ADAMTS17: variants seen among roughly 807,000 people sequenced by gnomAD.
ADAMTS17 encodes ADAM metallopeptidase with thrombospondin type 1 motif 17.
In ADAMTS17, 113 loss-of-function variants were observed where a neutral mutation model predicts 141.5. The ratio of observed to expected loss-of-function variants is 0.80; its 90% CI spans 0.69 to 0.93. The LOEUF is 0.93. Among genes scored for constraint, ADAMTS17 ranks in the 40% least tolerant of loss-of-function variants. The pLI, the probability that ADAMTS17 is intolerant of heterozygous loss-of-function variation, is 0.00. For synonymous variants in ADAMTS17, 768 were observed against 630.6 expected (o/e 1.22, Z -3.27); for missense variants, 1,659 against 1,517.9 (o/e 1.09, Z -1.54).
At chr15:100,278,936 C>G (rs1217382687) in intron 4 of ADAMTS17, among the ~76,000 whole-genome samples, 2 of 152,146 alleles carry the variant, frequency 1.3e-5, no homozygotes, top group East Asian at 3.9e-4. Context: ...GGGAAACAAG[C>G]TGTGGGATCC....
chr15:100,195,431 C>A (rs2041074870), intron 8 of ADAMTS17, among the ~76,000 whole-genome samples: 1 of 152,144 alleles, frequency 6.6e-6, no homozygotes, highest in Admixed American at 6.5e-5. Context: ...AGGCCCCGGG[C>A]AAGAAGCTTT....
At chr15:100,314,873 A>T (rs2045512538) in intron 3 of ADAMTS17, among the ~76,000 whole-genome samples, 1 of 152,164 alleles carries the variant, frequency 6.6e-6, no homozygotes, top group African/African-American at 2.4e-5. Context: ...AGGCAGTGAG[A>T]AAAAGAGCAG....
intron 3 of ADAMTS17, among the ~76,000 whole-genome samples, chr15:100,290,718 T>A (rs2044600144): frequency 6.6e-6 from 1 of 152,172 alleles, no homozygotes; most frequent in Non-Finnish European, 1.5e-5. Context: ...TACAACTACC[T>A]GATCTCTGAA....
intron 3 of ADAMTS17, among the ~76,000 whole-genome samples, chr15:100,283,701 C>T (rs57286278): frequency 0.16 from 23,779 of 152,138 alleles, 3,027 homozygotes; most frequent in African/African-American, 0.36. Context: ...CCACAGGACA[C>T]ATTAGGAGCC....
chr15:100,277,064 T>C (rs1230319983), intron 4 of ADAMTS17, among the ~76,000 whole-genome samples: 3 of 152,116 alleles, frequency 2.0e-5, no homozygotes, highest in Non-Finnish European at 4.4e-5. Context: ...TCCATTCGCC[T>C]TCTGGCTTGG....
At chr15:100,092,200 ACT>A (rs1368758031) in intron 15 of ADAMTS17, among the ~76,000 whole-genome samples, 2 of 152,058 alleles carry the variant, frequency 1.3e-5, no homozygotes, top group African/African-American at 4.8e-5. Flanking sequence ...TTTCCATTTG[ACT>A]CTGTCTTTTA....
chr15:100,256,897 C>T (rs2043347169), intron 6 of ADAMTS17: 1 of 152,510 alleles, frequency 6.6e-6, no homozygotes, highest in Admixed American at 6.5e-5. Flanking sequence ...ACCCCAGGCC[C>T]AGTCCACTCA....
chr15:100,242,152 A>G (rs1486284805), intron 7 of ADAMTS17, among the ~76,000 whole-genome samples: 2 of 152,202 alleles, frequency 1.3e-5, no homozygotes, highest in African/African-American at 4.8e-5. Context: ...CTCAAATTGC[A>G]GTTCTGACTC....
chr15:99,994,508 A>T (rs996362724), intron 19 of ADAMTS17, among the ~76,000 whole-genome samples: 2 of 152,140 alleles, frequency 1.3e-5, no homozygotes, highest in South Asian at 2.1e-4. Flanking sequence ...ATAAAGGACA[A>T]ATGTTATTCC....
chr15:100,341,198 G>C lies in ADAMTS17; in HGVS notation c.291C>G (p.Arg97=), dbSNP rs1285104946. The C allele has an allele frequency of 6.8e-7, 1 of 1,462,568 alleles. No homozygotes were observed. Among genetic ancestry groups the C allele is most frequent in the East Asian group, 3.1e-5 (1 of 32,636 alleles). The allele number at this position is 1,462,568 out of a possible 1,614,324, so 90.6% of individuals were successfully genotyped here. A position where few individuals can be genotyped will look rare whatever the true frequency, so the allele number is the denominator to read the frequency against. The change falls in exon 2 of 22, where the codon CGC becomes CGG. Residue 97 remains arginine (R), a synonymous_variant. Transcript: ENST00000268070. ...CTCGGGACAGGAAGCGCAGGTCGCG[G>C]CGCAGCTGAAGGTACAGGTCGCGCC... ...AFGRDLYLQL[R]RDLRFLSRGF...
intron 18 of ADAMTS17, among the ~76,000 whole-genome samples, chr15:100,005,482 G>A (rs2061020321): frequency 6.6e-6 from 1 of 152,060 alleles, no homozygotes; most frequent in Non-Finnish European, 1.5e-5. Flanking sequence ...CTTGGCTTGG[G>A]GCGTCTTCCT....
intron 14 of ADAMTS17, among the ~76,000 whole-genome samples, chr15:100,108,184 C>T (rs55743504): frequency 0.26 from 39,046 of 149,974 alleles, 5,494 homozygotes; most frequent in East Asian, 0.37. Flanking sequence ...TTTTTTTTTT[C>T]CCCCCGAGAC....
intron 12 of ADAMTS17, among the ~76,000 whole-genome samples, chr15:100,124,038 A>T (rs144303033): frequency 6.4e-4 from 96 of 150,596 alleles, no homozygotes; most frequent in African/African-American, 2.3e-3. Flanking sequence ...ATCTCGGCTC[A>T]CTATAACCTC....
intron 13 of ADAMTS17, among the ~76,000 whole-genome samples, chr15:100,110,914 CT>C (rs1407135031): frequency 6.6e-6 from 1 of 152,154 alleles, no homozygotes; most frequent in South Asian, 2.1e-4. Flanking sequence ...TAAACCACCC[CT>C]GTGTTCAGTC....
At chr15:100,122,376 T>G (rs1217327867) in intron 12 of ADAMTS17, among the ~76,000 whole-genome samples, 1 of 152,218 alleles carries the variant, frequency 6.6e-6, no homozygotes, top group Admixed American at 6.5e-5. Flanking sequence ...ATCCACTAGG[T>G]ACACAATTTG....
At chr15:100,015,676 G>C (rs1049418209) in intron 18 of ADAMTS17, among the ~76,000 whole-genome samples, 4 of 152,156 alleles carry the variant, frequency 2.6e-5, no homozygotes, top group African/African-American at 9.7e-5. Flanking sequence ...TTTTGTTTGA[G>C]GAGGCTGAAG....
chr15:100,099,858 C>A (rs367744739), intron 14 of ADAMTS17, among the ~76,000 whole-genome samples: 1 of 152,188 alleles, frequency 6.6e-6, no homozygotes, highest in Non-Finnish European at 1.5e-5. Flanking sequence ...TGCTCAGATC[C>A]GTGTGCTGAG....
At position 100,157,335 on chromosome 15, in the gene ADAMTS17, T is replaced by C. The variant is rs1055911253; in HGVS notation, c.1182-2015A>G. Reference sequence around the variant, plus strand: ...AGGCTTTCCCTCTCCATTACAAAATTGTTGAAAAAAACTAATGTTTTTATA... The same window carrying C: ...AGGCTTTCCCTCTCCATTACAAAATCGTTGAAAAAAACTAATGTTTTTATA... On this transcript the variant is annotated intron_variant, in intron 8 of 21. Coordinates refer to ENST00000268070, the MANE Select transcript of ADAMTS17 (RefSeq NM_139057.4). Among the ~76,000 whole-genome samples, 4 of 152,142 alleles carry C rather than the reference T, an allele frequency of 2.6e-5. No individual in the cohort carries two copies. The East Asian group carries it at 7.7e-4, about 29-fold the overall frequency.
At chr15:100,044,333 T>C (rs1441729501) in intron 18 of ADAMTS17, among the ~76,000 whole-genome samples, 1 of 152,212 alleles carries the variant, frequency 6.6e-6, no homozygotes, top group Admixed American at 6.5e-5. Flanking sequence ...CACAGGTAAC[T>C]GAGTCTTGCT....
Sources: allele counts gnomAD v4.1 joint callset (sites outside exome capture counted in the v4.1 genomes callset), GRCh38; gene constraint gnomAD v4.1.1; transcripts MANE v1.5; gene names NCBI Gene and HGNC (gene_info 2026-07-23, HGNC 2026-07-21).